PLPP2: variants seen among roughly 807,000 people sequenced by gnomAD.
The protein encoded by PLPP2 is PAP2-gamma.
A neutral mutation model predicts 35.2 loss-of-function variants in PLPP2; 29 were observed. The observed-to-expected ratio is 0.82, with a 90% CI of 0.61 to 1.12. The LOEUF (loss-of-function observed/expected upper bound fraction) is 1.12, where lower values mean the gene tolerates loss of function less well. Among genes scored for constraint, PLPP2 ranks in the 50% most tolerant of loss-of-function variants. The pLI is 0.00. For missense variants in PLPP2, 353 were observed against 375.2 expected (o/e 0.94, Z 0.49); for synonymous variants, 162 against 167.0 (o/e 0.97, Z 0.23).
Position 287,887 on chromosome 19 carries a change from G to T in PLPP2, c.204+133C>A. Reference sequence around the variant, plus strand: ...CCCTATTACCCACAGGTACCACTCAGGGCAAGGCTGTGTCCCCCGGCCCCA... The same window carrying T: ...CCCTATTACCCACAGGTACCACTCATGGCAAGGCTGTGTCCCCCGGCCCCA... On this transcript the variant is annotated intron_variant, in intron 2 of 5. Transcript: ENST00000434325. The surrounding 1 kb of genome is among the most constrained non-coding windows in gnomAD (Gnocchi z 4.3). 6.6e-7 allele frequency: 1 copy of T among 1,510,970 alleles called. No homozygotes were observed. 93.6% of individuals were successfully genotyped at this position (1,510,970 alleles called of 1,614,324 possible). A position where few individuals can be genotyped will look rare whatever the true frequency, so the allele number is the denominator to read the frequency against.
At chr19:284,617 G>T (rs1970238007) in intron 3 of PLPP2, 1 of 151,646 alleles carries the variant, frequency 6.6e-6, no homozygotes, top group African/African-American at 2.4e-5. Context: ...TATGTTCAAA[G>T]AAAAAAGTAA....
Position 287,402 on chromosome 19 carries a change from T to G in PLPP2, c.482+72A>C. 2.6e-6 allele frequency: 4 copies of G among 1,538,184 alleles called. No homozygotes were observed. In the African/African-American group the frequency reaches 4.1e-5, roughly 16 times the overall value. ...GTAGTCTCAGCTGCCTGCTGGCTCT[T>G]CATGATTTGGCTCCAGGGCCTTCTT... On this transcript the variant is annotated intron_variant, in intron 3 of 5. Coordinates refer to ENST00000434325, the MANE Select transcript of PLPP2 (RefSeq NM_003712.4). This position sits in a 1 kb window ranked among gnomAD's most constrained non-coding sequence, Gnocchi z 4.3.
At chr19:288,291 G>T in intron 1 of PLPP2, 120 bp from the exon 2 acceptor site, 1 of 1,086,426 alleles carries the variant, frequency 9.2e-7, no homozygotes, top group Non-Finnish European at 1.3e-6. Flanking sequence ...CAGCAAGGAA[G>T]AGCTTTTTTC....
At chr19:285,828 G>C (rs112226691) in intron 3 of PLPP2, 21,010 of 151,798 alleles carry the variant, frequency 0.14, 1,937 homozygotes, top group Non-Finnish European at 0.21. Context: ...GTCGGGCGTG[G>C]TGGTGCACGC....
rs201440917 is a variant in PLPP2, at chr19:282,795, G to A, written c.497C>T (p.Ser166Leu). 3.7e-4 allele frequency: 594 copies of A among 1,613,574 alleles called. 2 individuals are homozygous for A. The highest frequency in any genetic ancestry group is 1.4e-4 in the Non-Finnish European group (167 of 1,179,858). ...DVTEARLSFY[S>L]GHSSFGMYCM... is the part of the protein sequence containing the mutation. ...GTACATCCCAAAGGAAGAGTGTCCC[G>A]AGTAGAAAGACAACCTGAGGAAGGA... is the stretch of plus-strand genomic sequence containing the variant. The change falls in exon 4 of 6, where the codon TCG (serine) becomes TTG (leucine). Residue 166 changes from serine to leucine, a missense_variant. Transcript: ENST00000434325.
chr19:281,590 G>A (rs1970174986), intron 5 of PLPP2, 53 bp from the exon 6 acceptor site: 4 of 1,399,766 alleles, frequency 2.9e-6, no homozygotes, highest in Non-Finnish European at 3.8e-6. Context: ...AGGTACCAGG[G>A]ACATGGGCAT....
rs769645652 is a variant in PLPP2, at chr19:287,765, C to T, written c.205-14G>A. 5.0e-6 allele frequency: 8 copies of T among 1,612,328 alleles called. No homozygotes were observed. The highest frequency in any genetic ancestry group is 1.1e-5 in the South Asian group (1 of 91,082). ...CCCGGCCGAGACCTGCAAGAGCAGC[C>T]GCAGGAACCAGTGGGGGTCTCGGTC... On this transcript the variant is annotated splice_polypyrimidine_tract_variant and intron_variant, in intron 2 of 5. Coordinates refer to ENST00000434325, the MANE Select transcript of PLPP2 (RefSeq NM_003712.4). The surrounding 1 kb of genome is among the most constrained non-coding windows in gnomAD (Gnocchi z 4.3).
In PLPP2 at chr19:281,151, G is replaced by A. The variant is rs537029394; in HGVS notation, c.*237C>T. 1.6e-4 allele frequency: 61 copies of A among 385,460 alleles called. No homozygotes were observed. The highest frequency in any genetic ancestry group is 2.6e-4 in the Non-Finnish European group (58 of 219,164). The allele number at this position is 385,460 out of a possible 1,614,324, so 23.9% of individuals were successfully genotyped here. Reference sequence around the variant, plus strand: ...CTTCCTTAACCCCATAAAAAGAAGGGGATATTTGGGGACCGACGGGAACAG... The same window carrying A: ...CTTCCTTAACCCCATAAAAAGAAGGAGATATTTGGGGACCGACGGGAACAG... On this transcript the variant is annotated 3_prime_UTR_variant, in exon 6 of 6. Transcript: ENST00000434325.
At chr19:290,791 C>T (rs1047835630) in intron 1 of PLPP2, among the ~76,000 whole-genome samples, 1 of 152,180 alleles carries the variant, frequency 6.6e-6, no homozygotes, top group Non-Finnish European at 1.5e-5. Context: ...TGGGCCTCCC[C>T]GCACGTGCAC....
intron 1 of PLPP2, among the ~76,000 whole-genome samples, chr19:289,585 C>T (rs12985911): frequency 1.1e-4 from 16 of 152,234 alleles, no homozygotes; most frequent in Admixed American, 9.2e-4. Flanking sequence ...GTGGCGGTGT[C>T]CCAGCTCCTC....
intron 1 of PLPP2, 149 bp downstream of exon 1, chr19:291,136 G>A (rs925933999): frequency 2.2e-5 from 32 of 1,427,344 alleles, no homozygotes; most frequent in Non-Finnish European, 2.9e-5. Context: ...GCGGAGGGAG[G>A]TCTGGTCCTC....
intron 3 of PLPP2, 23 bp from the exon 4 acceptor site, chr19:282,832 TG>T (rs1970208192): frequency 1.9e-6 from 3 of 1,611,334 alleles, no homozygotes. Flanking sequence ...AAGGGGCAGG[TG>T]GCTCACTCAG....
chr19:289,876 C>T (rs1970349685), intron 1 of PLPP2, among the ~76,000 whole-genome samples: 1 of 151,626 alleles, frequency 6.6e-6, no homozygotes, highest in Non-Finnish European at 1.5e-5. Context: ...GTCAGGGTTA[C>T]GAGATGCCCA....
At chr19:288,838 C>T (rs1030844229) in intron 1 of PLPP2, among the ~76,000 whole-genome samples, 1 of 152,220 alleles carries the variant, frequency 6.6e-6, no homozygotes, top group Admixed American at 6.5e-5. Flanking sequence ...GGCAGAGTCC[C>T]TGGAGCCTGC....
At chr19:282,979 G>A (rs1970210432) in intron 3 of PLPP2, 170 bp from the exon 4 acceptor site, 6 of 635,054 alleles carry the variant, frequency 9.4e-6, no homozygotes, top group Non-Finnish European at 1.4e-5. Context: ...TCTGATAATG[G>A]AATAAGAGTC....
intron 1 of PLPP2, chr19:291,053 C>T: frequency 1.5e-6 from 2 of 1,293,770 alleles, no homozygotes; most frequent in African/African-American, 3.1e-5. Context: ...CCCCGGGCCT[C>T]TCGCGACCCC....
At position 281,165 on chromosome 19, in the gene PLPP2, C is replaced by T. The variant is rs1230713360; in HGVS notation, c.*223G>A. On this transcript the variant is annotated 3_prime_UTR_variant, in exon 6 of 6. Coordinates refer to ENST00000434325, the MANE Select transcript of PLPP2 (RefSeq NM_003712.4). ...TAAAAAGAAGGGGATATTTGGGGAC[C>T]GACGGGAACAGGTTCCCCTCCAAAT... is the stretch of plus-strand genomic sequence containing the variant. 5.0e-6 allele frequency: 2 copies of T among 398,806 alleles called. No homozygotes were observed. The highest frequency in any genetic ancestry group is 8.7e-6 in the Non-Finnish European group (2 of 229,462). The allele number at this position is 398,806 out of a possible 1,614,324, so 24.7% of individuals were successfully genotyped here.
At chr19:288,336 A>G (rs1970313370) in intron 1 of PLPP2, 165 bp from the exon 2 acceptor site, 1 of 594,632 alleles carries the variant, frequency 1.7e-6, no homozygotes, top group Non-Finnish European at 2.7e-6. Flanking sequence ...GCATCCCCTC[A>G]GACAAACACA....
At chr19:282,082 G>A (rs1256138768) in intron 5 of PLPP2, 52 bp downstream of exon 5, 1 of 1,593,780 alleles carries the variant, frequency 6.3e-7, no homozygotes, top group Admixed American at 1.7e-5. Flanking sequence ...AGGGTTGGCT[G>A]GGGAGTGGTC....
Sources: allele counts gnomAD v4.1 joint callset (sites outside exome capture counted in the v4.1 genomes callset), GRCh38; gene constraint gnomAD v4.1.1; non-coding constraint Gnocchi (gnomAD v3.1); transcripts MANE v1.5; gene names NCBI Gene and HGNC (gene_info 2026-07-23, HGNC 2026-07-21).